The following STK38 variants were observed in gnomAD, a reference collection of about 807,000 sequenced individuals.
The protein encoded by STK38 is serine/threonine-protein kinase 38.
STK38 carries 26 observed loss-of-function variants against 59.0 expected under a neutral mutation model. The observed-to-expected ratio is 0.44, with a 90% CI of 0.32 to 0.61. STK38 has a LOEUF of 0.61. STK38 is among the 20% of genes least tolerant of loss of function. The pLI is 0.04. For missense variants in STK38, 433 were observed against 566.0 expected (o/e 0.76, Z 2.38); for synonymous variants, 175 against 176.6 (o/e 0.99, Z 0.07).
intron 6 of STK38, among the ~76,000 whole-genome samples, chr6:36,517,186 T>C (rs1433281364): frequency 6.6e-6 from 1 of 152,276 alleles, no homozygotes; most frequent in Non-Finnish European, 1.5e-5. Flanking sequence ...TCAGAACAGA[T>C]GGCATGTTCT....
At chr6:36,540,869 T>C (rs628213) in intron 1 of STK38, among the ~76,000 whole-genome samples, 67,266 of 151,038 alleles carry the variant, frequency 0.45, 16,904 homozygotes, top group African/African-American at 0.67. Flanking sequence ...CCACCGCGCC[T>C]GGCCCACACA....
chr6:36,494,115 A>G lies in STK38; in HGVS notation c.*1669T>C, dbSNP rs1776644373. Reference sequence around the variant, plus strand: ...AAAGTCACACAAAAGAATCTCATTTACTTCCTTTTCACTAGCAGGCTATGA... The same window carrying G: ...AAAGTCACACAAAAGAATCTCATTTGCTTCCTTTTCACTAGCAGGCTATGA... On this transcript the variant is annotated 3_prime_UTR_variant, in exon 14 of 14. Transcript: ENST00000229812. The G allele has an allele frequency of 6.6e-6, 1 of 152,262 alleles. No homozygotes were observed. Among genetic ancestry groups the G allele is most frequent in the Non-Finnish European group, 1.5e-5 (1 of 68,048 alleles). The allele number at this position is 152,262 out of a possible 1,614,324, so 9.4% of individuals were successfully genotyped here. A position where few individuals can be genotyped will look rare whatever the true frequency, so the allele number is the denominator to read the frequency against.
At chr6:36,541,870 C>A (rs933536488) in intron 1 of STK38, among the ~76,000 whole-genome samples, 1 of 151,028 alleles carries the variant, frequency 6.6e-6, no homozygotes, top group African/African-American at 2.4e-5. Context: ...ACTCTGTCGC[C>A]CATGCTGGAG....
At chr6:36,500,979 T>TG (rs948519911) in intron 9 of STK38, among the ~76,000 whole-genome samples, 1 of 151,004 alleles carries the variant, frequency 6.6e-6, no homozygotes, top group African/African-American at 2.4e-5. Flanking sequence ...TTCTAAGAAA[T>TG]GGGGGTCTCC....
chr6:36,495,512 ATT>A lies in STK38; in HGVS notation c.*270_*271del. On this transcript the variant is annotated 3_prime_UTR_variant, in exon 14 of 14. Transcript: ENST00000229812. ...TGATGAACTTAGGAAAACTCAAGTT[ATT>A]TTTAAAACACCTATCAAATTGGCTC... is the stretch of plus-strand genomic sequence containing the variant. The A allele has an allele frequency of 3.1e-6, 1 of 321,906 alleles. No homozygotes were observed. The highest frequency in any genetic ancestry group is 5.8e-6 in the Non-Finnish European group (1 of 171,014). The allele number at this position is 321,906 out of a possible 1,614,324, so 19.9% of individuals were successfully genotyped here.
At chr6:36,519,520 G>A (rs971975306) in intron 5 of STK38, among the ~76,000 whole-genome samples, 2 of 152,128 alleles carry the variant, frequency 1.3e-5, no homozygotes. Flanking sequence ...AGGACACAAT[G>A]GTGCCCATAA....
At chr6:36,521,240 T>G (rs1376947241) in intron 5 of STK38, among the ~76,000 whole-genome samples, 1 of 152,224 alleles carries the variant, frequency 6.6e-6, no homozygotes, top group Non-Finnish European at 1.5e-5. Flanking sequence ...ATTAGAAGGC[T>G]GGTCTTTTTC....
chr6:36,495,584 T>C lies in STK38; in HGVS notation c.*200A>G, dbSNP rs993858952. The C allele has an allele frequency of 1.7e-6, 1 of 579,996 alleles. No homozygotes were observed. The highest frequency in any genetic ancestry group is 2.8e-6 in the Non-Finnish European group (1 of 351,252). 35.9% of individuals were successfully genotyped at this position (579,996 alleles called of 1,614,324 possible). ...GCAGGATAGCTGTTTATGGCCGACG[T>C]AGTAGAAATGGTTGTCTTTGTTTAC... On this transcript the variant is annotated 3_prime_UTR_variant, in exon 14 of 14. Coordinates refer to ENST00000229812, the MANE Select transcript of STK38 (RefSeq NM_007271.4).
At chr6:36,511,564 G>A (rs1195700343) in intron 7 of STK38, among the ~76,000 whole-genome samples, 1 of 151,472 alleles carries the variant, frequency 6.6e-6, no homozygotes, top group Non-Finnish European at 1.5e-5. Flanking sequence ...TACCACCTTG[G>A]CCAGGCTGGT....
At chr6:36,526,115 G>A (rs1777504782) in intron 2 of STK38, among the ~76,000 whole-genome samples, 1 of 152,030 alleles carries the variant, frequency 6.6e-6, no homozygotes, top group African/African-American at 2.4e-5. Context: ...ACAGGTGTGA[G>A]CCACCATGCC....
intron 10 of STK38, among the ~76,000 whole-genome samples, chr6:36,498,693 T>A (rs2127466034): frequency 6.6e-6 from 1 of 151,720 alleles, no homozygotes. Context: ...GCTCAAGTGA[T>A]CTTCCTGCCT....
At chr6:36,498,589 CTT>C (rs374274208) in intron 10 of STK38, 103 bp from the exon 11 acceptor site, 32,405 of 894,610 alleles carry the variant, frequency 0.036, no homozygotes, top group East Asian at 0.055. Context: ...TTTCTTTTTT[CTT>C]TTTTTTTTTT....
intron 5 of STK38, among the ~76,000 whole-genome samples, chr6:36,520,231 C>A (rs929030735): frequency 2.6e-5 from 4 of 152,182 alleles, no homozygotes; most frequent in African/African-American, 9.7e-5. Context: ...ACCATTTAAT[C>A]CATAAGTTAA....
intron 7 of STK38, among the ~76,000 whole-genome samples, chr6:36,508,070 A>T (rs576520464): frequency 5.2e-4 from 78 of 151,062 alleles, no homozygotes; most frequent in African/African-American, 1.7e-3. Context: ...AGTAGCTGGG[A>T]CCTCAGTTGT....
intron 8 of STK38, 54 bp from the exon 9 acceptor site, chr6:36,506,698 CT>C: frequency 3.3e-6 from 5 of 1,538,122 alleles, no homozygotes; most frequent in East Asian, 2.3e-5. Context: ...ATGTTTACTA[CT>C]TTTTTTAGTA....
rs1228847149 is a variant in STK38, at chr6:36,506,506, T to C, written c.834+77A>G. Reference sequence around the variant, plus strand: ...GGATATGTTGCAAATATTTGTCAAATGCAAATTTATGTGAAAATCTTTTGA... The same window carrying C: ...GGATATGTTGCAAATATTTGTCAAACGCAAATTTATGTGAAAATCTTTTGA... On this transcript the variant is annotated intron_variant, in intron 9 of 13. Transcript: ENST00000229812. The C allele has an allele frequency of 3.4e-6, 5 of 1,481,184 alleles. No homozygotes were observed. The East Asian group carries it at 1.1e-4, about 34-fold the overall frequency. 91.8% of individuals were successfully genotyped at this position (1,481,184 alleles called of 1,614,324 possible).
At chr6:36,516,979 T>C (rs1444244272) in intron 6 of STK38, among the ~76,000 whole-genome samples, 1 of 152,012 alleles carries the variant, frequency 6.6e-6, no homozygotes, top group Admixed American at 6.5e-5. Context: ...TTTTCTAACA[T>C]TAATCAACTG....
chr6:36,539,530 A>C (rs536605065), intron 2 of STK38, among the ~76,000 whole-genome samples: 8 of 152,214 alleles, frequency 5.3e-5, no homozygotes, highest in Non-Finnish European at 1.2e-4. Context: ...CACATATGTT[A>C]TATCTAATCC....
At position 36,507,527 on chromosome 6, in the gene STK38, G is replaced by A; in HGVS notation, c.745C>T (p.Leu249=). 6.2e-7 allele frequency: 1 copy of A among 1,614,102 alleles called. No individual in the cohort carries two copies. Among genetic ancestry groups the A allele is most frequent in the Non-Finnish European group, 8.5e-7 (1 of 1,179,996 alleles). The change falls in exon 8 of 14, where the codon CTG becomes TTG. Residue 249 remains leucine, a synonymous_variant. Transcript: ENST00000229812. ...AAATCACTGGGGAGGCTGTGGTTCA[G>A]ATTCCTATAAAATTCTGTCCTATGT... ...KAHRTEFYRN[L]NHSLPSDFTF...
Sources: gnomAD v4.1 joint callset for allele counts (sites outside exome capture counted in the v4.1 genomes callset) on GRCh38, gnomAD v4.1.1 for gene constraint, MANE v1.5 for transcripts, NCBI Gene and HGNC (gene_info 2026-07-23, HGNC 2026-07-21) for gene names.